Variants in LINGO2 observed in about 807,000 individuals in gnomAD.
LINGO2 encodes leucine rich repeat and Ig domain containing 2.
Under a neutral mutation model 30.6 loss-of-function variants are expected in LINGO2, and 14 were observed. The observed-to-expected ratio is 0.46, with a 90% confidence interval of 0.30 to 0.72. The LOEUF is 0.72. LINGO2 is among the 30% of genes least tolerant of loss of function. The pLI is 0.07. For synonymous variants in LINGO2, 317 were observed against 288.5 expected, an observed-to-expected ratio of 1.10 and a Z score of -1.00; for missense variants, 729 against 751.7, an observed-to-expected ratio of 0.97 and a Z score of 0.35.
At chr9:27,973,119 C>A (rs1016210142) in intron 5 of LINGO2, among the ~76,000 whole-genome samples, 3 of 152,096 alleles carry the variant, frequency 2.0e-5, no homozygotes, top group African/African-American at 7.2e-5. Context: ...GATGGTAGGA[C>A]TTCTTGGCCT....
the LINGO2 span, among the ~76,000 whole-genome samples, chr9:28,717,837 T>A: frequency 6.6e-6 from 1 of 152,008 alleles, no homozygotes; most frequent in African/African-American, 2.4e-5. Context: ...CACACAAACC[T>A]ACACCTCAGT....
At chr9:28,905,409 C>T in the LINGO2 span, among the ~76,000 whole-genome samples, 3 of 151,578 alleles carry the variant, frequency 2.0e-5, no homozygotes, top group South Asian at 6.2e-4. Context: ...ATAAGGGGTT[C>T]ACATTCAAAA....
chr9:28,850,218 A>G, the LINGO2 span, among the ~76,000 whole-genome samples: 1 of 152,104 alleles, frequency 6.6e-6, no homozygotes, highest in African/African-American at 2.4e-5. Context: ...GCAGAAAAAT[A>G]TAATTTCAGC....
intron 3 of LINGO2, among the ~76,000 whole-genome samples, chr9:28,303,088 C>G (rs1210972235): frequency 6.6e-6 from 1 of 152,130 alleles, no homozygotes; most frequent in Non-Finnish European, 1.5e-5. Flanking sequence ...ATTTCTTTCT[C>G]TATTTCTAAT....
chr9:29,203,202 T>C, the LINGO2 span, among the ~76,000 whole-genome samples: 1 of 152,054 alleles, frequency 6.6e-6, no homozygotes, highest in Admixed American at 6.6e-5. Context: ...AAAGAAGGGG[T>C]AATGGACTAC....
chr9:28,526,049 C>T (rs536916004), intron 1 of LINGO2, among the ~76,000 whole-genome samples: 131 of 32,314 alleles, frequency 4.1e-3, no homozygotes, highest in Non-Finnish European at 6.0e-3. Flanking sequence ...GAGCGAGACT[C>T]CGTCTCAAAA....
intron 4 of LINGO2, among the ~76,000 whole-genome samples, chr9:28,228,164 TCCTA>T (rs1327577809): frequency 5.9e-5 from 9 of 152,114 alleles, no homozygotes; most frequent in African/African-American, 2.2e-4. Flanking sequence ...AATGAGGAGT[TCCTA>T]CCTTTTATAA....
chr9:28,374,026 G>A (rs1208825334), intron 2 of LINGO2, among the ~76,000 whole-genome samples: 2 of 151,858 alleles, frequency 1.3e-5, no homozygotes, highest in African/African-American at 2.4e-5. Flanking sequence ...AGGCATATGT[G>A]AATCACAAAG....
chr9:28,806,925 A>T, the LINGO2 span, among the ~76,000 whole-genome samples: 2 of 151,992 alleles, frequency 1.3e-5, no homozygotes, highest in African/African-American at 2.4e-5. Context: ...AATTGTTTCT[A>T]TATTTAGGTA....
At chr9:28,381,820 G>C (rs559465303) in intron 2 of LINGO2, among the ~76,000 whole-genome samples, 1 of 152,234 alleles carries the variant, frequency 6.6e-6, no homozygotes, top group Non-Finnish European at 1.5e-5. Flanking sequence ...ACAATTTGGG[G>C]AAGATTTTTG....
At chr9:29,167,247 A>G in the LINGO2 span, among the ~76,000 whole-genome samples, 1 of 152,156 alleles carries the variant, frequency 6.6e-6, no homozygotes, top group Non-Finnish European at 1.5e-5. Context: ...AAAATCAAAT[A>G]ACTTTAACAT....
chr9:28,486,960 C>T (rs968164249), intron 1 of LINGO2, among the ~76,000 whole-genome samples: 1 of 152,020 alleles, frequency 6.6e-6, no homozygotes, highest in Non-Finnish European at 1.5e-5. Flanking sequence ...GAGTGCCAAG[C>T]AGAGACAGCG....
At chr9:29,088,283 G>A in the LINGO2 span, among the ~76,000 whole-genome samples, 15 of 152,090 alleles carry the variant, frequency 9.9e-5, no homozygotes, top group African/African-American at 3.4e-4. Context: ...GGTTATCTAA[G>A]GATCTAGTGT....
intron 4 of LINGO2, among the ~76,000 whole-genome samples, chr9:28,186,888 A>C (rs1819560957): frequency 6.6e-6 from 1 of 152,154 alleles, no homozygotes; most frequent in Admixed American, 6.5e-5. Flanking sequence ...CAAATCCACC[A>C]AACTTCACAG....
chr9:28,725,242 GATAA>G, the LINGO2 span, among the ~76,000 whole-genome samples: 3 of 151,526 alleles, frequency 2.0e-5, no homozygotes, highest in South Asian at 4.2e-4. Flanking sequence ...GATACAGAAA[GATAA>G]ATAGAGATAA....
At chr9:29,039,262 A>C in the LINGO2 span, among the ~76,000 whole-genome samples, 1 of 151,984 alleles carries the variant, frequency 6.6e-6, no homozygotes, top group African/African-American at 2.4e-5. Context: ...GTGTAGATTT[A>C]AATGAATTTC....
At chr9:28,422,031 A>G (rs1436955216) in intron 2 of LINGO2, among the ~76,000 whole-genome samples, 1 of 152,108 alleles carries the variant, frequency 6.6e-6, no homozygotes, top group East Asian at 1.9e-4. Context: ...AAAGACCTAA[A>G]CATAAGAGCT....
At chr9:28,844,916 C>T in the LINGO2 span, among the ~76,000 whole-genome samples, 12 of 151,982 alleles carry the variant, frequency 7.9e-5, 1 homozygote, top group African/African-American at 2.9e-4. Flanking sequence ...AAAGATTCAT[C>T]TGAACACAGT....
At chr9:28,900,690 A>G in the LINGO2 span, among the ~76,000 whole-genome samples, 2 of 152,210 alleles carry the variant, frequency 1.3e-5, no homozygotes, top group Non-Finnish European at 2.9e-5. Context: ...GCTTTCCCAG[A>G]CAAAGCCAGT....
Sources: allele counts gnomAD v4.1 joint callset (sites outside exome capture counted in the v4.1 genomes callset), GRCh38; gene constraint gnomAD v4.1.1; transcripts MANE v1.5; gene names NCBI Gene and HGNC (gene_info 2026-07-23, HGNC 2026-07-21).